Variants in KIAA1328 observed in about 807,000 individuals in gnomAD.
KIAA1328 encodes KIAA1328, also known as protein hinderin.
KIAA1328 carries 52 observed loss-of-function variants against 68.1 expected under a neutral mutation model. The observed-to-expected ratio is 0.76, with a 90% CI of 0.61 to 0.96. The LOEUF (loss-of-function observed/expected upper bound fraction) is 0.96. KIAA1328 is among the 40% of genes least tolerant of loss of function. The probability of loss-of-function intolerance (pLI) is 0.00; values close to 1 mark genes in which losing one functional copy is unlikely to be tolerated. For synonymous variants in KIAA1328, 232 were observed against 239.4 expected (o/e 0.97, Z 0.28); for missense variants, 641 against 677.6 (o/e 0.95, Z 0.60).
chr18:37,176,151 C>T (rs78623832), intron 9 of KIAA1328, among the ~76,000 whole-genome samples: 1 of 152,282 alleles, frequency 6.6e-6, no homozygotes, highest in East Asian at 1.9e-4. Flanking sequence ...ACAACCTCTC[C>T]TACAGCAATC....
chr18:36,884,996 T>G (rs2048450693), intron 4 of KIAA1328, among the ~76,000 whole-genome samples: 1 of 152,158 alleles, frequency 6.6e-6, no homozygotes, highest in Non-Finnish European at 1.5e-5. Flanking sequence ...TAAGAATACA[T>G]GTACTGCAAA....
At chr18:36,860,216 C>T (rs61044601) in intron 4 of KIAA1328, among the ~76,000 whole-genome samples, 20,725 of 152,042 alleles carry the variant, frequency 0.14, 1,758 homozygotes, top group Admixed American at 0.18. Context: ...ATTTTGAATA[C>T]GTTCATATAT....
chr18:37,006,823 A>G (rs954842015), intron 6 of KIAA1328, among the ~76,000 whole-genome samples: 30 of 152,158 alleles, frequency 2.0e-4, no homozygotes, highest in African/African-American at 7.0e-4. Flanking sequence ...TCTTTATTCT[A>G]CAATCAGGCA....
At chr18:37,165,693 G>C (rs1356006614) in intron 8 of KIAA1328, among the ~76,000 whole-genome samples, 1 of 150,728 alleles carries the variant, frequency 6.6e-6, no homozygotes, top group East Asian at 2.0e-4. Context: ...CCAGGTTCAA[G>C]TGATTATCCT....
At chr18:37,166,198 G>C (rs2059386273) in intron 8 of KIAA1328, among the ~76,000 whole-genome samples, 1 of 152,054 alleles carries the variant, frequency 6.6e-6, no homozygotes, top group South Asian at 2.1e-4. Context: ...AAAACTGTCA[G>C]AAGCTACCTT....
chr18:37,056,614 G>C (rs1378000884), intron 6 of KIAA1328, among the ~76,000 whole-genome samples: 1 of 152,070 alleles, frequency 6.6e-6, no homozygotes, highest in African/African-American at 2.4e-5. Flanking sequence ...GTTATTTTTA[G>C]TAGCCAAAAA....
chr18:36,959,320 A>G lies in KIAA1328; in HGVS notation c.461A>G (p.Gln154Arg), dbSNP rs747067076. 58 of 1,590,738 alleles carry G rather than the reference A, an allele frequency of 3.6e-5. No homozygotes were observed. The highest frequency in any genetic ancestry group is 6.8e-5 in the African/African-American group (5 of 73,918). Residue 154 changes from glutamine to arginine, a missense_variant, in exon 6 of 10, where the codon CAG becomes CGG. Transcript: ENST00000280020. ...IIKEREALQLQYRECQELLSL... is the reference protein window; with the variant it reads ...IIKEREALQLRYRECQELLSL... ...TTTGCAATCTCACCTCTTCAGCTAC[A>G]GTATAGAGAATGCCAAGAACTTCTA...
intron 8 of KIAA1328, among the ~76,000 whole-genome samples, chr18:37,169,241 C>T (rs1009777126): frequency 6.6e-6 from 1 of 151,632 alleles, no homozygotes; most frequent in Non-Finnish European, 1.5e-5. Context: ...TCTCGGCTCA[C>T]TGCAACCTCT....
At chr18:36,916,158 G>A (rs2049689676) in intron 5 of KIAA1328, among the ~76,000 whole-genome samples, 1 of 151,960 alleles carries the variant, frequency 6.6e-6, no homozygotes, top group South Asian at 2.1e-4. Flanking sequence ...ATTTCTTGCA[G>A]TATATTTTCC....
chr18:37,160,612 A>G (rs1445981835), intron 8 of KIAA1328, among the ~76,000 whole-genome samples: 1 of 152,184 alleles, frequency 6.6e-6, no homozygotes, highest in East Asian at 1.9e-4. Context: ...TCTTTTTGCA[A>G]GCAATAACTG....
chr18:37,006,033 G>A (rs992846715), intron 6 of KIAA1328, among the ~76,000 whole-genome samples: 7 of 151,950 alleles, frequency 4.6e-5, no homozygotes, highest in Admixed American at 2.6e-4. Context: ...CAGTGTTTGA[G>A]AGCAGAGTAA....
chr18:37,067,351 G>A lies in KIAA1328; in HGVS notation c.1038G>A (p.Val346=), dbSNP rs778790935. ...SYCRLSWASL[V]HGGGALQPIE... Reference sequence around the variant, plus strand: ...GTCGGCTTTCTTGGGCATCTCTGGTGCATGGTGGTGGGGCACTGCAACCCA... The same window carrying A: ...GTCGGCTTTCTTGGGCATCTCTGGTACATGGTGGTGGGGCACTGCAACCCA... The change falls in exon 7 of 10, where the codon GTG becomes GTA. Residue 346 remains valine (V), a synonymous_variant. Coordinates refer to ENST00000280020, the MANE Select transcript of KIAA1328 (RefSeq NM_020776.3). The A allele has an allele frequency of 3.1e-6, 5 of 1,613,906 alleles. No homozygotes were observed. Among genetic ancestry groups the A allele is most frequent in the Non-Finnish European group, 1.7e-6 (2 of 1,179,870 alleles).
intron 2 of KIAA1328, 100 bp from the exon 3 acceptor site, chr18:36,835,134 C>A: frequency 2.3e-6 from 2 of 861,450 alleles, no homozygotes; most frequent in Non-Finnish European, 1.8e-6. Context: ...TTTCCTCCAT[C>A]AGGTCCCTTA....
intron 5 of KIAA1328, among the ~76,000 whole-genome samples, chr18:36,949,062 G>C (rs770466834): frequency 3.9e-5 from 6 of 152,118 alleles, no homozygotes; most frequent in Non-Finnish European, 7.4e-5. Flanking sequence ...GTTAATTATT[G>C]TTGTGCAGTT....
chr18:37,036,417 A>G (rs936115911), intron 6 of KIAA1328, among the ~76,000 whole-genome samples: 3 of 152,232 alleles, frequency 2.0e-5, no homozygotes, highest in Admixed American at 2.0e-4. Context: ...AATGCTGTCT[A>G]TCTTTATTGA....
intron 7 of KIAA1328, among the ~76,000 whole-genome samples, chr18:37,116,688 G>T (rs2058118644): frequency 1.3e-5 from 2 of 152,148 alleles, no homozygotes; most frequent in African/African-American, 4.8e-5. Flanking sequence ...AAGAGCTTCT[G>T]CACAGCAAAA....
chr18:36,959,468 C>T (rs760267195), intron 6 of KIAA1328, 33 bp downstream of exon 6: 3 of 1,591,104 alleles, frequency 1.9e-6, no homozygotes, highest in East Asian at 2.3e-5. Flanking sequence ...TTCTTGTCTT[C>T]AGTGGATCAG....
intron 9 of KIAA1328, among the ~76,000 whole-genome samples, chr18:37,180,058 C>CCACACACACA (rs139301794): frequency 7.5e-5 from 10 of 134,168 alleles, no homozygotes; most frequent in Admixed American, 2.3e-4. Context: ...GATTCAAAAG[C>CCACACACACA]CACACACACA....
chr18:37,012,757 A>G (rs891586363), intron 6 of KIAA1328, among the ~76,000 whole-genome samples: 5 of 152,230 alleles, frequency 3.3e-5, no homozygotes, highest in African/African-American at 1.2e-4. Flanking sequence ...TTATTTTAAC[A>G]TTGGACTCTT....
Sources: gnomAD v4.1 joint callset for allele counts (sites outside exome capture counted in the v4.1 genomes callset) on GRCh38, gnomAD v4.1.1 for gene constraint, MANE v1.5 for transcripts, NCBI Gene and HGNC (gene_info 2026-07-23, HGNC 2026-07-21) for gene names.